PALLD: variants seen among roughly 807,000 people sequenced by gnomAD.
PALLD encodes the protein palladin, cytoskeletal associated protein, also known as palladin.
Under a neutral mutation model 123.5 loss-of-function variants are expected in PALLD, and 61 were observed. That is an observed-to-expected ratio of 0.49 (90% CI 0.40 to 0.61). The LOEUF is 0.61. PALLD is among the 20% of genes least tolerant of loss of function. The pLI is 0.00. For missense variants in PALLD, 1,273 were observed against 1,377.0 expected (o/e 0.92, Z 1.20); for synonymous variants, 465 against 496.4 (o/e 0.94, Z 0.84).
At chr4:168,658,606 T>C (rs1680819817) in intron 2 of PALLD, among the ~76,000 whole-genome samples, 1 of 152,100 alleles carries the variant, frequency 6.6e-6, no homozygotes. Flanking sequence ...TTTTAAAAGA[T>C]GGTAAATAAA....
chr4:168,825,269 C>T (rs1225799598), intron 10 of PALLD, among the ~76,000 whole-genome samples: 1 of 152,176 alleles, frequency 6.6e-6, no homozygotes, highest in Admixed American at 6.5e-5. Flanking sequence ...CTTATTCTCT[C>T]TCTTCTCTCT....
intron 10 of PALLD, among the ~76,000 whole-genome samples, chr4:168,721,303 G>A (rs1479943362): frequency 6.6e-6 from 1 of 152,084 alleles, no homozygotes; most frequent in Non-Finnish European, 1.5e-5. Context: ...ATTTTAAAAG[G>A]GGGAGTGGCT....
intron 10 of PALLD, among the ~76,000 whole-genome samples, chr4:168,825,364 A>G (rs188468567): frequency 3.7e-3 from 564 of 152,250 alleles, no homozygotes; most frequent in Non-Finnish European, 5.4e-3. Context: ...AATCTCAATG[A>G]TTCTCTTAGT....
chr4:168,665,263 G>A (rs562154201), intron 2 of PALLD, among the ~76,000 whole-genome samples: 48 of 152,170 alleles, frequency 3.2e-4, no homozygotes, highest in Admixed American at 1.0e-3. Flanking sequence ...GCTCTTGATG[G>A]GCCTTTCTAT....
chr4:168,567,308 A>G (rs1768493148), intron 2 of PALLD, among the ~76,000 whole-genome samples: 1 of 152,130 alleles, frequency 6.6e-6, no homozygotes, highest in Non-Finnish European at 1.5e-5. Context: ...ATCTACAAGA[A>G]ACTCAAACAA....
chr4:168,612,556 G>A (rs575400944), intron 2 of PALLD, among the ~76,000 whole-genome samples: 12 of 152,256 alleles, frequency 7.9e-5, no homozygotes, highest in African/African-American at 2.9e-4. Context: ...TTTTATCTAA[G>A]GTACAGCTGT....
intron 10 of PALLD, among the ~76,000 whole-genome samples, chr4:168,802,245 T>C (rs570940012): frequency 6.6e-6 from 1 of 152,162 alleles, no homozygotes; most frequent in Non-Finnish European, 1.5e-5. Flanking sequence ...CAAGAGATAT[T>C]ACATAACAAT....
rs574582209 is a variant in PALLD, at chr4:168,610,822, C to G, written c.909-57368C>G. Among the ~76,000 whole-genome samples the G allele has an allele frequency of 2.0e-5, 3 of 152,318 alleles. No individual in the cohort carries two copies. The South Asian group carries it at 6.2e-4, about 32-fold the overall frequency. On this transcript the variant is annotated intron_variant, in intron 2 of 21. Coordinates refer to ENST00000505667, the MANE Select transcript of PALLD (RefSeq NM_001166108.2). ...AATTGACTTCAGGAGTGGCAGCCAG[C>G]AGCCTGGTCATTTCTATTCTGTCAG... is the stretch of plus-strand genomic sequence containing the variant.
intron 10 of PALLD, among the ~76,000 whole-genome samples, chr4:168,812,531 C>G (rs1208825909): frequency 6.6e-6 from 1 of 152,200 alleles, no homozygotes; most frequent in Non-Finnish European, 1.5e-5. Context: ...GGATGGCAAT[C>G]TGAGTCATGG....
chr4:168,920,377 A>C (rs1015447929), intron 17 of PALLD, among the ~76,000 whole-genome samples: 1 of 152,182 alleles, frequency 6.6e-6, no homozygotes, highest in African/African-American at 2.4e-5. Flanking sequence ...ATATCAGTTG[A>C]GTATCACGTA....
intron 2 of PALLD, among the ~76,000 whole-genome samples, chr4:168,544,427 G>A (rs1328908012): frequency 6.6e-6 from 1 of 152,218 alleles, no homozygotes; most frequent in Non-Finnish European, 1.5e-5. Flanking sequence ...TAATGTGTGT[G>A]TTAATTACCT....
intron 12 of PALLD, among the ~76,000 whole-genome samples, chr4:168,895,150 G>A (rs935289703): frequency 1.3e-5 from 2 of 152,116 alleles, no homozygotes; most frequent in Non-Finnish European, 1.5e-5. Flanking sequence ...TTGGGAGGCT[G>A]AGGTGGGTGG....
At chr4:168,714,959 G>A (rs1321949097) in intron 10 of PALLD, among the ~76,000 whole-genome samples, 1 of 152,016 alleles carries the variant, frequency 6.6e-6, no homozygotes, top group African/African-American at 2.4e-5. Flanking sequence ...ACCTGGAAGG[G>A]CCATGAGCTC....
intron 10 of PALLD, among the ~76,000 whole-genome samples, chr4:168,800,168 G>T (rs1305510652): frequency 6.6e-6 from 1 of 152,086 alleles, no homozygotes; most frequent in Admixed American, 6.6e-5. Flanking sequence ...TGTTTTATAA[G>T]GAATTTCTTC....
intron 2 of PALLD, among the ~76,000 whole-genome samples, chr4:168,550,898 A>ACTC (rs1766664167): frequency 6.6e-6 from 1 of 152,146 alleles, no homozygotes; most frequent in Non-Finnish European, 1.5e-5. Flanking sequence ...ACAGTTTCTA[A>ACTC]CTCTCTTGTT....
chr4:168,511,342 C>T, intron 1 of PALLD, 81 bp from the exon 2 acceptor site: 6 of 615,476 alleles, frequency 9.7e-6, no homozygotes, highest in Non-Finnish European at 1.7e-5. Flanking sequence ...TAATGTTTCT[C>T]CCAATTTGTG....
intron 2 of PALLD, among the ~76,000 whole-genome samples, chr4:168,606,150 T>C (rs368460436): frequency 9.8e-5 from 15 of 152,322 alleles, no homozygotes; most frequent in South Asian, 6.2e-4. Context: ...CAGAAACTTA[T>C]GGTTGTTTTA....
At chr4:168,726,522 T>C (rs1786600436) in intron 10 of PALLD, among the ~76,000 whole-genome samples, 1 of 152,124 alleles carries the variant, frequency 6.6e-6, no homozygotes, top group Admixed American at 6.5e-5. Context: ...TGAGACAAGG[T>C]CTCACTCTGT....
At chr4:168,642,880 C>G (rs1360664882) in intron 2 of PALLD, among the ~76,000 whole-genome samples, 2 of 152,204 alleles carry the variant, frequency 1.3e-5, no homozygotes, top group East Asian at 3.8e-4. Flanking sequence ...AGAGAAATTC[C>G]CAAACATAAG....
Sources: gnomAD v4.1 joint callset for allele counts (sites outside exome capture counted in the v4.1 genomes callset) on GRCh38, gnomAD v4.1.1 for gene constraint, MANE v1.5 for transcripts, NCBI Gene and HGNC (gene_info 2026-07-23, HGNC 2026-07-21) for gene names.